SYNE2: variants seen among roughly 807,000 people sequenced by gnomAD.
The protein encoded by SYNE2 is spectrin repeat containing nuclear envelope protein 2.
A neutral mutation model predicts 856.3 loss-of-function variants in SYNE2; 431 were observed. That is an observed-to-expected ratio of 0.50 (90% CI 0.47 to 0.55). The LOEUF (loss-of-function observed/expected upper bound fraction) is 0.55. Among genes scored for constraint, SYNE2 ranks in the 20% least tolerant of loss-of-function variants. The probability of loss-of-function intolerance (pLI) is 0.00; values close to 1 mark genes in which losing one functional copy is unlikely to be tolerated. For missense variants in SYNE2, 8,129 were observed against 8,023.2 expected (o/e 1.01, Z -0.50); for synonymous variants, 2,923 against 2,872.3 (o/e 1.02, Z -0.56).
Position 64,207,948 on chromosome 14 carries a change from C to T in SYNE2, c.18202-810C>T, listed in dbSNP as rs180992622. 386 of 454,708 alleles carry T rather than the reference C, an allele frequency of 8.5e-4. 1 individual carries two copies. The highest frequency in any genetic ancestry group is 7.1e-3 in the African/African-American group (354 of 50,040). 28.2% of individuals were successfully genotyped at this position (454,708 alleles called of 1,614,324 possible). A position where few individuals can be genotyped will look rare whatever the true frequency, so the allele number is the denominator to read the frequency against. ...CAAAACAGGTTCCTTATCTCTCTCCCTCCCCGCAGCCCACCCATGGGGTAC... is the reference window on the plus strand; with the variant it reads ...CAAAACAGGTTCCTTATCTCTCTCCTTCCCCGCAGCCCACCCATGGGGTAC... On this transcript the variant is annotated intron_variant, in intron 100 of 115. Transcript: ENST00000555002.
intron 1 of SYNE2, among the ~76,000 whole-genome samples, chr14:63,865,289 A>G (rs1363342863): frequency 7.5e-6 from 1 of 133,322 alleles, no homozygotes; most frequent in Non-Finnish European, 1.6e-5. Flanking sequence ...ATGGCCTTGT[A>G]AACAAGTCAC....
intron 30 of SYNE2, 64 bp from the exon 31 acceptor site, chr14:64,006,979 C>A: frequency 7.6e-7 from 1 of 1,315,098 alleles, no homozygotes; most frequent in South Asian, 1.2e-5. Context: ...CCAAGTTACC[C>A]ATATTTGTGT....
At chr14:63,830,024 G>A (rs1457349008) in intron 1 of SYNE2, among the ~76,000 whole-genome samples, 4 of 152,064 alleles carry the variant, frequency 2.6e-5, no homozygotes, top group South Asian at 2.1e-4. Context: ...TATTCTATAC[G>A]GGATATTATT....
At chr14:64,079,569 T>C (rs892633090) in intron 55 of SYNE2, among the ~76,000 whole-genome samples, 1 of 152,218 alleles carries the variant, frequency 6.6e-6, no homozygotes, top group Non-Finnish European at 1.5e-5. Context: ...ATATTTTACC[T>C]TTGAAATTTT....
chr14:63,954,108 A>G (rs1418944055), intron 7 of SYNE2, among the ~76,000 whole-genome samples: 1 of 152,148 alleles, frequency 6.6e-6, no homozygotes, highest in Non-Finnish European at 1.5e-5. Context: ...AGGATGAATA[A>G]TATTCATTGT....
chr14:64,009,288 C>T (rs2096824625), intron 31 of SYNE2, among the ~76,000 whole-genome samples: 2 of 152,044 alleles, frequency 1.3e-5, no homozygotes, highest in Non-Finnish European at 1.5e-5. Flanking sequence ...ATAATCCCAG[C>T]ACTTTGGGAG....
intron 10 of SYNE2, among the ~76,000 whole-genome samples, chr14:63,964,750 C>T (rs2096367327): frequency 6.6e-6 from 1 of 152,010 alleles, no homozygotes; most frequent in Admixed American, 6.6e-5. Context: ...TCTCGAACTC[C>T]TGACCTCAGG....
chr14:63,775,148 G>A (rs1228742594), intron 1 of SYNE2, among the ~76,000 whole-genome samples: 1 of 151,536 alleles, frequency 6.6e-6, no homozygotes, highest in Admixed American at 6.6e-5. Context: ...AGCTAATTTT[G>A]TATTTTTAGT....
chr14:63,812,409 T>TG (rs780976272), intron 1 of SYNE2, among the ~76,000 whole-genome samples: 2 of 152,204 alleles, frequency 1.3e-5, no homozygotes, highest in Non-Finnish European at 2.9e-5. Context: ...TTTTTCAAGA[T>TG]GCACTGATTT....
Position 64,129,785 on chromosome 14 carries a change from G to A in SYNE2, c.14023G>A (p.Ala4675Thr), listed in dbSNP as rs762785837. 3.1e-6 allele frequency: 5 copies of A among 1,614,108 alleles called. No individual in the cohort carries two copies. The highest frequency in any genetic ancestry group is 4.2e-6 in the Non-Finnish European group (5 of 1,180,028). ...TCTTGTATTGTCTCTCACTTAGAAA[G>A]CAGATGCATATACAGTGGAGCTGGA... Reference protein sequence around the residue: ...GQSVAEQLQKADAYTVELENA... With the variant: ...GQSVAEQLQKTDAYTVELENA... Residue 4675 changes from alanine (A) to threonine (T), a missense_variant, in exon 75 of 116, where the codon GCA becomes ACA. Ala to Thr is a moderately conservative substitution (Grantham distance 58, BLOSUM62 0). Around this residue, in one of 3 missense-constraint regions of SYNE2, gnomAD observed 5,410 missense variants for 5,284.8 expected, o/e 1.02. Coordinates refer to ENST00000555002, the MANE Select transcript of SYNE2 (RefSeq NM_182914.3).
chr14:63,775,108 C>G lies in SYNE2; in HGVS notation c.-305+13122C>G, dbSNP rs577252310. On this transcript the variant is annotated intron_variant, in intron 1 of 23. Transcript: ENST00000674003. ...TCTCCTGCCTCAACCTCCCAAGTAG[C>G]TGGGATTACAGGTGCCCACCACCAT... Among the ~76,000 whole-genome samples the G allele has an allele frequency of 1.9e-3, 287 of 152,226 alleles. 2 individuals are homozygous for G. The highest frequency in any genetic ancestry group is 6.7e-3 in the African/African-American group (280 of 41,524).
intron 63 of SYNE2, among the ~76,000 whole-genome samples, chr14:64,101,178 A>T (rs2097726124): frequency 6.6e-6 from 1 of 151,942 alleles, no homozygotes; most frequent in Non-Finnish European, 1.5e-5. Context: ...CAGTAGTGGG[A>T]TTGCTGGTTC....
At chr14:64,223,404 C>G (rs770411453) in intron 113 of SYNE2, 24 bp downstream of exon 113, 2 of 1,612,238 alleles carry the variant, frequency 1.2e-6, no homozygotes, top group East Asian at 4.5e-5. Context: ...TAGCTTTTAA[C>G]TGTAAAGATT....
At position 64,210,097 on chromosome 14, in the gene SYNE2, G is replaced by A. The variant is rs2098632204; in HGVS notation, c.18696G>A (p.Arg6232=). The A allele has an allele frequency of 6.2e-7, 1 of 1,613,958 alleles. No individual in the cohort carries two copies. The highest frequency in any genetic ancestry group is 8.5e-7 in the Non-Finnish European group (1 of 1,179,940). ...GNQRWDNLQR[R]VTAVLRRLRH... Reference sequence around the variant, plus strand: ...AGCGCTGGGACAACCTTCAGAGGCGGGTCACAGCCGTCCTGCGGAGACTCA... The same window carrying A: ...AGCGCTGGGACAACCTTCAGAGGCGAGTCACAGCCGTCCTGCGGAGACTCA... Residue 6232 remains arginine (R), a synonymous_variant, in exon 103 of 116, where the codon CGG becomes CGA. Coordinates refer to ENST00000555002, the MANE Select transcript of SYNE2 (RefSeq NM_182914.3).
intron 39 of SYNE2, 31 bp downstream of exon 39, chr14:64,024,490 T>C: frequency 6.3e-7 from 1 of 1,597,346 alleles, no homozygotes. Flanking sequence ...CTAAATAACA[T>C]GTTTTCTAAC....
At chr14:63,781,523 C>T (rs1488529561) in intron 1 of SYNE2, among the ~76,000 whole-genome samples, 1 of 150,678 alleles carries the variant, frequency 6.6e-6, no homozygotes, top group South Asian at 2.1e-4. Context: ...CTCGCTCTGT[C>T]GCCCAGGCTG....
Position 64,167,502 on chromosome 14 carries a change from C to CA in SYNE2, c.16769dup (p.Ile5592AsnfsTer5), listed in dbSNP as rs769226360. 2 of 1,614,074 alleles carry CA rather than the reference C, an allele frequency of 1.2e-6. No individual in the cohort carries two copies. The highest frequency in any genetic ancestry group is 1.3e-5 in the African/African-American group (1 of 74,926). ...TGTTTTAAACCTTTGTAGTGAGCTT[C>CA]AGGGAATTGGATTGAATGAAAAGTT... On this transcript the variant is annotated frameshift_variant, in exon 92 of 116. Coordinates refer to ENST00000555002, the MANE Select transcript of SYNE2 (RefSeq NM_182914.3). LOFTEE classifies it high-confidence loss of function.
In SYNE2 at chr14:64,027,729, G is replaced by A. The variant is rs919964369; in HGVS notation, c.6650G>A (p.Ser2217Asn). ...CTCTTGGAGTGCACTAAAAATCCCA[G>A]CTTCAGTGAAGAGCCTTGGCTGGAA... is the stretch of plus-strand genomic sequence containing the variant. ...NYLLECTKNPSFSEEPWLEIK... is the reference protein window; with the variant it reads ...NYLLECTKNPNFSEEPWLEIK... The change falls in exon 43 of 116, where the codon AGC becomes AAC. Residue 2217 changes from serine to asparagine, a missense_variant. Ser to Asn is a conservative substitution (Grantham distance 46, BLOSUM62 1). This residue lies in a region of SYNE2 where 297 missense variants were observed against 380.9 expected (regional missense o/e 0.78). Coordinates refer to ENST00000555002, the MANE Select transcript of SYNE2 (RefSeq NM_182914.3). 9 of 1,614,006 alleles carry A rather than the reference G, an allele frequency of 5.6e-6. No homozygotes were observed. The highest frequency in any genetic ancestry group is 1.6e-4 in the Middle Eastern group (1 of 6,082).
At chr14:64,070,273 C>A (rs536661356) in intron 51 of SYNE2, among the ~76,000 whole-genome samples, 1 of 152,182 alleles carries the variant, frequency 6.6e-6, no homozygotes, top group Non-Finnish European at 1.5e-5. Context: ...TTTTCCATAT[C>A]CAATAGTTGC....
Sources: gnomAD v4.1 joint callset for allele counts (sites outside exome capture counted in the v4.1 genomes callset) on GRCh38, gnomAD v4.1.1 for gene constraint, gnomAD v4.1.1 regional missense constraint, MANE v1.5 for transcripts, NCBI Gene and HGNC (gene_info 2026-07-23, HGNC 2026-07-21) for gene names.